The following RPS6KA5 variants were observed in gnomAD, a reference collection of about 807,000 sequenced individuals.
The protein encoded by RPS6KA5 is ribosomal protein S6 kinase alpha-5.
In RPS6KA5, 27 loss-of-function variants were observed where a neutral mutation model predicts 85.5. That is an observed-to-expected ratio of 0.32 (90% CI 0.23 to 0.44). The LOEUF is 0.44. Among genes scored for constraint, RPS6KA5 ranks in the 20% least tolerant of loss-of-function variants. The probability of loss-of-function intolerance (pLI) is 1.00; values close to 1 mark genes in which losing one functional copy is unlikely to be tolerated. For synonymous variants in RPS6KA5, 334 were observed against 348.2 expected (o/e 0.96, Z 0.46); for missense variants, 811 against 980.9 (o/e 0.83, Z 2.31).
chr14:91,048,741 C>A (rs922341143), intron 1 of RPS6KA5, among the ~76,000 whole-genome samples: 35 of 152,184 alleles, frequency 2.3e-4, no homozygotes, highest in Non-Finnish European at 4.4e-4. Context: ...ATCTGTAAAT[C>A]ATGATGGGAG....
At chr14:91,022,877 G>T (rs1387133498) in intron 1 of RPS6KA5, among the ~76,000 whole-genome samples, 1 of 152,060 alleles carries the variant, frequency 6.6e-6, no homozygotes. Context: ...ACCAGGTCAG[G>T]AGTTCGAGAC....
chr14:90,893,808 A>G (rs2034684516), intron 13 of RPS6KA5, among the ~76,000 whole-genome samples: 1 of 152,104 alleles, frequency 6.6e-6, no homozygotes, highest in Admixed American at 6.6e-5. Flanking sequence ...AAAAGGGATC[A>G]TTCTAAGAGT....
chr14:91,014,089 A>G (rs2041377444), intron 1 of RPS6KA5, among the ~76,000 whole-genome samples: 1 of 152,238 alleles, frequency 6.6e-6, no homozygotes, highest in East Asian at 1.9e-4. Flanking sequence ...AACTGTTAGC[A>G]TCTGTTAAAA....
chr14:91,051,196 G>A (rs1014758825), intron 1 of RPS6KA5, among the ~76,000 whole-genome samples: 8 of 151,892 alleles, frequency 5.3e-5, no homozygotes, highest in South Asian at 2.1e-4. Context: ...CTGAGATCAC[G>A]CCATTGCACT....
chr14:90,982,762 T>C (rs1287941555), intron 2 of RPS6KA5, among the ~76,000 whole-genome samples: 1 of 151,316 alleles, frequency 6.6e-6, no homozygotes, highest in Non-Finnish European at 1.5e-5. Flanking sequence ...GCGGATCACC[T>C]GAGGTCAGGA....
intron 2 of RPS6KA5, among the ~76,000 whole-genome samples, chr14:90,999,623 G>A (rs1021035233): frequency 1.3e-5 from 2 of 152,206 alleles, no homozygotes; most frequent in Non-Finnish European, 1.5e-5. Context: ...GTCCAGGACA[G>A]GGAGAGAACT....
chr14:91,000,341 T>C (rs974852125), intron 2 of RPS6KA5, among the ~76,000 whole-genome samples: 1 of 152,190 alleles, frequency 6.6e-6, no homozygotes, highest in Non-Finnish European at 1.5e-5. Context: ...CAAAGCCCTA[T>C]TGTTGGGTTT....
chr14:90,980,974 C>T (rs1346739331), intron 2 of RPS6KA5, among the ~76,000 whole-genome samples: 1 of 152,088 alleles, frequency 6.6e-6, no homozygotes, highest in African/African-American at 2.4e-5. Flanking sequence ...GAGTTTGAGA[C>T]CAGCCTGATC....
chr14:90,978,175 C>T lies in RPS6KA5; in HGVS notation c.394+131G>A, dbSNP rs1476109307. On this transcript the variant is annotated intron_variant, in intron 3 of 16. Transcript: ENST00000614987. ...CAATGCATGATATTCCAGGAGATGC[C>T]ACCACAAAGAATGAGAATCAAAATA... The T allele has an allele frequency of 8.0e-6, 5 of 622,016 alleles. No homozygotes were observed. The East Asian group carries it at 1.3e-4, about 16-fold the overall frequency. The allele number at this position is 622,016 out of a possible 1,614,324, so 38.5% of individuals were successfully genotyped here. A position where few individuals can be genotyped will look rare whatever the true frequency, so the allele number is the denominator to read the frequency against.
intron 7 of RPS6KA5, among the ~76,000 whole-genome samples, chr14:90,915,721 A>C (rs1182437947): frequency 6.6e-6 from 1 of 151,888 alleles, no homozygotes; most frequent in African/African-American, 2.4e-5. Context: ...CAGGAAAATC[A>C]CTTTAACTTG....
At chr14:90,995,749 AG>A (rs903367272) in intron 2 of RPS6KA5, among the ~76,000 whole-genome samples, 2 of 152,100 alleles carry the variant, frequency 1.3e-5, no homozygotes, top group African/African-American at 4.8e-5. Context: ...ACCTGGCAAG[AG>A]TAAGGAAAAT....
chr14:90,934,170 T>C (rs1216051356), intron 5 of RPS6KA5, among the ~76,000 whole-genome samples: 6 of 152,214 alleles, frequency 3.9e-5, no homozygotes, highest in Non-Finnish European at 5.9e-5. Context: ...GCTCATTCAT[T>C]GCAAGATCTC....
At chr14:90,936,072 A>C (rs2140332876) in intron 5 of RPS6KA5, among the ~76,000 whole-genome samples, 1 of 152,324 alleles carries the variant, frequency 6.6e-6, no homozygotes, top group South Asian at 2.1e-4. Context: ...CTACCAAAAA[A>C]ATTCTATGGA....
intron 1 of RPS6KA5, among the ~76,000 whole-genome samples, chr14:91,043,952 C>T (rs1012782883): frequency 2.0e-5 from 3 of 152,130 alleles, no homozygotes; most frequent in African/African-American, 4.8e-5. Flanking sequence ...GTAGGCAGGA[C>T]GCAGTGGCTC....
At chr14:91,049,673 C>G (rs1386733896) in intron 1 of RPS6KA5, among the ~76,000 whole-genome samples, 5 of 152,058 alleles carry the variant, frequency 3.3e-5, no homozygotes, top group African/African-American at 1.2e-4. Context: ...AAACACACAA[C>G]ACACACATAT....
chr14:90,967,581 T>C (rs1387644638), intron 3 of RPS6KA5, among the ~76,000 whole-genome samples: 1 of 152,196 alleles, frequency 6.6e-6, no homozygotes, highest in African/African-American at 2.4e-5. Context: ...TATATTTCCA[T>C]AAAGTACTAC....
rs2032555379 is a variant in RPS6KA5, at chr14:90,861,571, T to C, written c.*10503A>G. 6.7e-6 allele frequency: 1 copy of C among 149,156 alleles called. No homozygotes were observed. Among genetic ancestry groups the C allele is most frequent in the Admixed American group, 6.7e-5 (1 of 14,968 alleles). The allele number at this position is 149,156 out of a possible 1,614,324, so 9.2% of individuals were successfully genotyped here. A position where few individuals can be genotyped will look rare whatever the true frequency, so the allele number is the denominator to read the frequency against. On this transcript the variant is annotated 3_prime_UTR_variant, in exon 17 of 17. Transcript: ENST00000614987. ...GAAGTCTAAAACACATATATAGAGA[T>C]AAAACATACATAGAATGTAGAAGTA... is the stretch of plus-strand genomic sequence containing the variant.
chr14:90,964,689 G>T (rs911432051), intron 3 of RPS6KA5, among the ~76,000 whole-genome samples: 1 of 152,024 alleles, frequency 6.6e-6, no homozygotes, highest in Non-Finnish European at 1.5e-5. Flanking sequence ...TGAGATGGGA[G>T]GATCACTTGA....
At chr14:90,999,826 C>T (rs1021198821) in intron 2 of RPS6KA5, among the ~76,000 whole-genome samples, 1 of 152,152 alleles carries the variant, frequency 6.6e-6, no homozygotes, top group Admixed American at 6.5e-5. Flanking sequence ...TTAAGTCAGC[C>T]CTGATTTCTG....
Sources: gnomAD v4.1 joint callset for allele counts (sites outside exome capture counted in the v4.1 genomes callset) on GRCh38, gnomAD v4.1.1 for gene constraint, MANE v1.5 for transcripts, NCBI Gene and HGNC (gene_info 2026-07-23, HGNC 2026-07-21) for gene names.